The following PPP2R2B variants were observed in gnomAD, a reference collection of about 807,000 sequenced individuals.
PPP2R2B encodes the protein serine/threonine-protein phosphatase 2A 55 kDa regulatory subunit B beta isoform.
In PPP2R2B, 5 loss-of-function variants were observed where a neutral mutation model predicts 46.0. That is an observed-to-expected ratio of 0.11 (90% CI 0.06 to 0.23). PPP2R2B has a LOEUF of 0.23. PPP2R2B is among the 10% of genes least tolerant of loss of function. The pLI, the probability that PPP2R2B is intolerant of heterozygous loss-of-function variation, is 1.00. For synonymous variants in PPP2R2B, 215 were observed against 206.7 expected, an observed-to-expected ratio of 1.04 and a Z score of -0.34; for missense variants, 367 against 575.0, an observed-to-expected ratio of 0.64 and a Z score of 3.70.
In PPP2R2B at chr5:146,698,050, A is replaced by G; in HGVS notation, c.263T>C (p.Ile88Thr). ...TCTTATTTTATTGATTTTTTCTTCT[A>G]TTTCTAAACTCTTCAGGTAATCGAA... ...PEFDYLKSLE[I>T]EEKINKIRWL... is the part of the protein sequence containing the mutation. Residue 88 changes from isoleucine to threonine, a missense_variant, in exon 4 of 10, where the codon ATA (isoleucine) becomes ACA (threonine). Transcript: ENST00000394411. 6.2e-7 allele frequency: 1 copy of G among 1,613,294 alleles called. No individual in the cohort carries two copies. The highest frequency in any genetic ancestry group is 8.5e-7 in the Non-Finnish European group (1 of 1,179,694).
At position 146,588,122 on chromosome 5, in the gene PPP2R2B, T is replaced by C. The variant is rs1770262280; in HGVS notation, c.*1825A>G. The C allele has an allele frequency of 6.6e-6, 1 of 152,020 alleles. No homozygotes were observed. Among genetic ancestry groups the C allele is most frequent in the Non-Finnish European group, 1.5e-5 (1 of 68,014 alleles). The allele number at this position is 152,020 out of a possible 1,614,324, so 9.4% of individuals were successfully genotyped here. A position where few individuals can be genotyped will look rare whatever the true frequency, so the allele number is the denominator to read the frequency against. On this transcript the variant is annotated 3_prime_UTR_variant, in exon 10 of 10. Coordinates refer to ENST00000394411, the MANE Select transcript of PPP2R2B (RefSeq NM_181675.4). ...AAATCTTGCCCAGAGAGTTTACACC[T>C]TAGCCACTTTACTTGAGATGCCTAA... is the stretch of plus-strand genomic sequence containing the variant.
intron 2 of PPP2R2B, among the ~76,000 whole-genome samples, chr5:147,071,187 T>G (rs971640557): frequency 1.3e-5 from 2 of 152,128 alleles, no homozygotes; most frequent in Admixed American, 6.5e-5. Flanking sequence ...AAGCTGACAT[T>G]CCAAGGACAG....
chr5:146,736,600 G>C, intron 2 of PPP2R2B, among the ~76,000 whole-genome samples: 1 of 152,164 alleles, frequency 6.6e-6, no homozygotes, highest in Non-Finnish European at 1.5e-5. Context: ...CGTAAGTCTT[G>C]AGGACATCTC....
chr5:146,768,960 C>A (rs1420718977), intron 2 of PPP2R2B, among the ~76,000 whole-genome samples: 2 of 151,986 alleles, frequency 1.3e-5, no homozygotes. Context: ...TCACTTTAAC[C>A]TCTGCTTCTC....
chr5:146,876,471 C>G (rs1297721239), intron 2 of PPP2R2B, among the ~76,000 whole-genome samples: 1 of 152,188 alleles, frequency 6.6e-6, no homozygotes, highest in Non-Finnish European at 1.5e-5. Flanking sequence ...AGCCAACAGA[C>G]CCAAGGCCAA....
chr5:146,998,775 C>T (rs1393384918), intron 1 of PPP2R2B, among the ~76,000 whole-genome samples: 2 of 151,958 alleles, frequency 1.3e-5, no homozygotes, highest in Non-Finnish European at 2.9e-5. Flanking sequence ...TTCCACTTGC[C>T]CCTTCAGCCT....
At chr5:147,061,039 G>T (rs533675142) in intron 2 of PPP2R2B, among the ~76,000 whole-genome samples, 1 of 152,232 alleles carries the variant, frequency 6.6e-6, no homozygotes, top group African/African-American at 2.4e-5. Flanking sequence ...ATTCTGACCT[G>T]AAAGAAAGAG....
At chr5:147,053,765 G>A (rs1313533183) in intron 1 of PPP2R2B, among the ~76,000 whole-genome samples, 1 of 152,164 alleles carries the variant, frequency 6.6e-6, no homozygotes, top group Non-Finnish European at 1.5e-5. Context: ...TATCATGTGT[G>A]GAGCATTACA....
intron 2 of PPP2R2B, among the ~76,000 whole-genome samples, chr5:146,775,711 T>G (rs1194480587): frequency 6.6e-6 from 1 of 152,086 alleles, no homozygotes; most frequent in African/African-American, 2.4e-5. Context: ...GATATGATCT[T>G]ACATTTAAAA....
chr5:146,775,075 C>T (rs561542757), intron 2 of PPP2R2B, among the ~76,000 whole-genome samples: 2 of 152,166 alleles, frequency 1.3e-5, no homozygotes, highest in South Asian at 4.1e-4. Context: ...AACACCAATC[C>T]TTCTCAAACT....
intron 5 of PPP2R2B, among the ~76,000 whole-genome samples, chr5:146,683,981 A>T (rs1357515329): frequency 9.2e-5 from 14 of 152,236 alleles, no homozygotes; most frequent in Admixed American, 8.5e-4. Context: ...CAGGATGGGG[A>T]GGATAGAGCG....
At chr5:147,022,912 A>T (rs1309740087) in intron 1 of PPP2R2B, among the ~76,000 whole-genome samples, 1 of 152,148 alleles carries the variant, frequency 6.6e-6, no homozygotes, top group Non-Finnish European at 1.5e-5. Flanking sequence ...TTCAAAAAAG[A>T]AAAAAAGTTG....
At chr5:146,903,791 C>T (rs1022533466) in intron 1 of PPP2R2B, among the ~76,000 whole-genome samples, 2 of 151,812 alleles carry the variant, frequency 1.3e-5, no homozygotes, top group African/African-American at 2.4e-5. Flanking sequence ...TTTTTTTGAC[C>T]CCAGGAAAGT....
chr5:146,909,352 C>T (rs1472617615), intron 1 of PPP2R2B, among the ~76,000 whole-genome samples: 5 of 152,140 alleles, frequency 3.3e-5, no homozygotes, highest in Non-Finnish European at 5.9e-5. Flanking sequence ...TATTCCAACC[C>T]CAATACACTT....
intron 2 of PPP2R2B, among the ~76,000 whole-genome samples, chr5:146,804,655 G>T (rs1446225827): frequency 6.6e-6 from 1 of 152,114 alleles, no homozygotes; most frequent in African/African-American, 2.4e-5. Flanking sequence ...CCCTTAGAAA[G>T]CTTAAACTGA....
intron 1 of PPP2R2B, among the ~76,000 whole-genome samples, chr5:146,945,717 A>G (rs894740887): frequency 2.6e-5 from 4 of 152,222 alleles, no homozygotes; most frequent in African/African-American, 9.6e-5. Context: ...CCTTGTCATC[A>G]GGGATAACAT....
rs564107228 is a variant in PPP2R2B, at chr5:147,012,953, T to C, written c.79+42712A>G. Among the ~76,000 whole-genome samples, 82 of 152,210 alleles carry C rather than the reference T, an allele frequency of 5.4e-4. 1 individual carries two copies. The highest frequency in any genetic ancestry group is 2.0e-3 in the African/African-American group (82 of 41,546). ...CACTGTGGTCTGAGAGATACCTGTT[T>C]GCAGACGACATGATTGTATATCTAG... On this transcript the variant is annotated intron_variant, in intron 1 of 8. Coordinates refer to the PPP2R2B transcript ENST00000336640.
chr5:146,958,150 C>T (rs911477150), intron 1 of PPP2R2B, among the ~76,000 whole-genome samples: 6 of 152,050 alleles, frequency 3.9e-5, no homozygotes, highest in South Asian at 2.1e-4. Context: ...AGACATTAAT[C>T]GCAGATCTCC....
chr5:146,729,256 T>C (rs1296827600), intron 2 of PPP2R2B, among the ~76,000 whole-genome samples: 2 of 152,186 alleles, frequency 1.3e-5, no homozygotes, highest in Admixed American at 6.5e-5. Flanking sequence ...TTGTGAAACT[T>C]TGAACTTGAG....
Sources: allele counts gnomAD v4.1 joint callset (sites outside exome capture counted in the v4.1 genomes callset), GRCh38; gene constraint gnomAD v4.1.1; transcripts MANE v1.5; gene names NCBI Gene and HGNC (gene_info 2026-07-23, HGNC 2026-07-21).